Variants in NEBL observed in about 807,000 individuals in gnomAD.
The protein encoded by NEBL is nebulette, also known as LIM and SH3 protein 2.
Under a neutral mutation model 140.2 loss-of-function variants are expected in NEBL, and 122 were observed. The ratio of observed to expected loss-of-function variants is 0.87; its 90% CI spans 0.75 to 1.01. The LOEUF is 1.01. NEBL is among the 50% of genes least tolerant of loss of function. The pLI is 0.00. For missense variants in NEBL, 1,365 were observed against 1,231.3 expected, an observed-to-expected ratio of 1.11 and a Z score of -1.62; for synonymous variants, 436 against 398.9, an observed-to-expected ratio of 1.09 and a Z score of -1.11.
At chr10:20,805,118 T>C (rs1010783461) in intron 26 of NEBL, among the ~76,000 whole-genome samples, 1 of 152,040 alleles carries the variant, frequency 6.6e-6, no homozygotes, top group Non-Finnish European at 1.5e-5. Flanking sequence ...GGGGTATGAG[T>C]GAAAGACAAG....
At chr10:21,259,416 C>T (rs1454375438) in intron 1 of NEBL, among the ~76,000 whole-genome samples, 1 of 152,148 alleles carries the variant, frequency 6.6e-6, no homozygotes, top group African/African-American at 2.4e-5. Context: ...CTGACTCAGA[C>T]AGGCTTCAAG....
chr10:20,983,093 T>G (rs1417963692), intron 3 of NEBL, among the ~76,000 whole-genome samples: 2 of 152,218 alleles, frequency 1.3e-5, no homozygotes, highest in Non-Finnish European at 2.9e-5. Context: ...TGAAAAATCC[T>G]GAATTTCCAA....
rs1237891829 is a variant in NEBL, at chr10:20,835,520, G to A, written c.1442C>T (p.Ala481Val). 4 of 1,609,116 alleles carry A rather than the reference G, an allele frequency of 2.5e-6. No individual in the cohort carries two copies. Among genetic ancestry groups the A allele is most frequent in the East Asian group, 2.2e-5 (1 of 44,882 alleles). ...ATCACGCACCCTACTAACCTCACTC[G>A]CTATCTCTGCAGCCTTCTTGGCATG... ...MQHAKKAAEI[A>V]SEKDYKRDLE... Residue 481 changes from alanine to valine, a missense_variant, in exon 14 of 28, where the codon GCG becomes GTG. This residue lies in a region of NEBL where 1,323 missense variants were observed against 1,154.8 expected (regional missense o/e 1.15). Coordinates refer to ENST00000377122, the MANE Select transcript of NEBL (RefSeq NM_006393.3).
intron 2 of NEBL, among the ~76,000 whole-genome samples, chr10:21,107,043 A>G (rs1341152061): frequency 6.6e-6 from 1 of 151,826 alleles, no homozygotes; most frequent in Non-Finnish European, 1.5e-5. Flanking sequence ...GTATCCTGAG[A>G]CTTTGCTGAA....
intron 1 of NEBL, among the ~76,000 whole-genome samples, chr10:21,280,619 C>CTTTTTTTTTTTTTTTTTTTTTTCTT (rs554320752): frequency 1.0e-5 from 1 of 98,134 alleles, no homozygotes; most frequent in Non-Finnish European, 1.9e-5. Flanking sequence ...TTTCTTTTTC[C>CTTTTTTTTTTTTTTTTTTTTTTCTT]TTTTTTTTTT....
chr10:20,862,287 G>T (rs2131170989), intron 7 of NEBL, among the ~76,000 whole-genome samples: 1 of 152,236 alleles, frequency 6.6e-6, no homozygotes, highest in South Asian at 2.1e-4. Context: ...TGAACGTTCA[G>T]TACAGTGAGT....
chr10:21,127,389 A>G (rs961514416), intron 2 of NEBL, among the ~76,000 whole-genome samples: 1 of 152,196 alleles, frequency 6.6e-6, no homozygotes, highest in African/African-American at 2.4e-5. Context: ...TGCAAAAACC[A>G]TTACTTAAGG....
At chr10:21,233,739 A>G (rs11012596) in intron 3 of NEBL, among the ~76,000 whole-genome samples, 2 of 135,320 alleles carry the variant, frequency 1.5e-5, no homozygotes, top group Non-Finnish European at 3.3e-5. Context: ...TTACATATAT[A>G]GATATATATT....
intron 1 of NEBL, among the ~76,000 whole-genome samples, chr10:21,172,927 T>C (rs963357981): frequency 1.3e-5 from 2 of 152,140 alleles, no homozygotes; most frequent in African/African-American, 4.8e-5. Flanking sequence ...GCTATGTAAG[T>C]ACCCCTACAC....
chr10:21,049,347 G>A (rs895608498), intron 2 of NEBL, among the ~76,000 whole-genome samples: 1 of 152,136 alleles, frequency 6.6e-6, no homozygotes, highest in African/African-American at 2.4e-5. Context: ...TCTGGGGCCC[G>A]CTGCTTTGCA....
At chr10:20,930,056 T>C (rs921539285) in intron 4 of NEBL, among the ~76,000 whole-genome samples, 1 of 152,146 alleles carries the variant, frequency 6.6e-6, no homozygotes. Flanking sequence ...CTGACGACTC[T>C]CACATTTATG....
intron 4 of NEBL, among the ~76,000 whole-genome samples, chr10:20,910,691 T>C (rs1178259679): frequency 6.6e-6 from 1 of 152,194 alleles, no homozygotes; most frequent in Non-Finnish European, 1.5e-5. Context: ...ATCTTCCTAG[T>C]TCTAAGATTG....
At chr10:21,183,031 G>C (rs969052590) in intron 3 of NEBL, among the ~76,000 whole-genome samples, 2 of 152,164 alleles carry the variant, frequency 1.3e-5, no homozygotes, top group African/African-American at 4.8e-5. Flanking sequence ...GGCATGAACA[G>C]GGCCAGGGTC....
intron 2 of NEBL, among the ~76,000 whole-genome samples, chr10:21,065,055 A>G (rs1835474424): frequency 6.6e-6 from 1 of 152,196 alleles, no homozygotes; most frequent in Non-Finnish European, 1.5e-5. Context: ...CTGCCCAATA[A>G]TGAGGCATCG....
chr10:21,240,851 A>G (rs1447243624), intron 3 of NEBL, among the ~76,000 whole-genome samples: 2 of 151,810 alleles, frequency 1.3e-5, no homozygotes, highest in African/African-American at 4.8e-5. Context: ...TCTCCTGGGA[A>G]GAAAAGGAGG....
intron 26 of NEBL, among the ~76,000 whole-genome samples, chr10:20,799,978 TGA>T: frequency 6.6e-6 from 1 of 151,944 alleles, no homozygotes; most frequent in East Asian, 1.9e-4. Flanking sequence ...CGCACGCGTG[TGA>T]GAGAGCGAGC....
At chr10:20,969,790 C>T (rs996007937) in intron 3 of NEBL, among the ~76,000 whole-genome samples, 5 of 152,168 alleles carry the variant, frequency 3.3e-5, no homozygotes, top group African/African-American at 1.2e-4. Flanking sequence ...AGTGATCTGT[C>T]CTCCTTGGCT....
chr10:20,826,515 C>T lies in NEBL; in HGVS notation c.1801G>A (p.Ala601Thr), dbSNP rs1292475422. ...GGGCTATCTTTCACTGCAGTGCCAGCTCCCACTTCTTTCTTATAAAATACC... is the reference window on the plus strand; with the variant it reads ...GGGCTATCTTTCACTGCAGTGCCAGTTCCCACTTCTTTCTTATAAAATACC... ...SAVFYKKEVG[A>T]GTAVKDSPEI... Residue 601 changes from alanine to threonine, a missense_variant, in exon 18 of 28, where the codon GCT (alanine) becomes ACT (threonine). By Grantham distance (58) the Ala-to-Thr change is moderately conservative. Transcript: ENST00000377122. 2 of 1,612,018 alleles carry T rather than the reference C, an allele frequency of 1.2e-6. No individual in the cohort carries two copies. Among genetic ancestry groups the T allele is most frequent in the Admixed American group, 1.7e-5 (1 of 59,988 alleles).
intron 11 of NEBL, among the ~76,000 whole-genome samples, chr10:20,848,979 T>C (rs1232974912): frequency 1.3e-5 from 2 of 152,166 alleles, no homozygotes; most frequent in South Asian, 4.1e-4. Flanking sequence ...TCCTGAGAGT[T>C]TTTTTGTCTA....
Sources: allele counts gnomAD v4.1 joint callset (sites outside exome capture counted in the v4.1 genomes callset), GRCh38; gene constraint gnomAD v4.1.1; regional missense constraint gnomAD v4.1.1; transcripts MANE v1.5; gene names NCBI Gene and HGNC (gene_info 2026-07-23, HGNC 2026-07-21).